The following ARID4B variants were observed in gnomAD, a reference collection of about 807,000 sequenced individuals.
The protein encoded by ARID4B is AT-rich interactive domain-containing protein 4B.
A neutral mutation model predicts 147.5 loss-of-function variants in ARID4B; 26 were observed. The ratio of observed to expected loss-of-function variants is 0.18; its 90% CI spans 0.13 to 0.24. ARID4B has a LOEUF of 0.24. Among genes scored for constraint, ARID4B ranks in the 10% least tolerant of loss-of-function variants. The pLI, the probability that ARID4B is intolerant of heterozygous loss-of-function variation, is 1.00. For synonymous variants in ARID4B, 512 were observed against 507.9 expected (o/e 1.01, Z -0.11); for missense variants, 1,179 against 1,511.5 (o/e 0.78, Z 3.65).
intron 2 of ARID4B, among the ~76,000 whole-genome samples, chr1:235,314,764 T>C (rs891639806): frequency 4.6e-5 from 7 of 152,088 alleles, no homozygotes; most frequent in African/African-American, 1.4e-4. Context: ...AACATTTTAC[T>C]ATCAGTAAAA....
chr1:235,323,615 T>C (rs1330922929), intron 2 of ARID4B, among the ~76,000 whole-genome samples: 3 of 151,912 alleles, frequency 2.0e-5, no homozygotes, highest in Non-Finnish European at 2.9e-5. Flanking sequence ...AGAAACCTTG[T>C]CTCTACTAAA....
intron 9 of ARID4B, among the ~76,000 whole-genome samples, chr1:235,232,860 G>A (rs1475050459): frequency 2.0e-5 from 3 of 151,606 alleles, no homozygotes; most frequent in African/African-American, 7.3e-5. Flanking sequence ...GTTTTGAGAT[G>A]GAATCTTGTT....
chr1:235,219,900 TTTAATG>T lies in ARID4B; in HGVS notation c.1470_1475del (p.Asn490_Ile491del), dbSNP rs1318014598. On this transcript the variant is annotated inframe_deletion, in exon 16 of 24. Transcript: ENST00000264183. ...CCAGATTTTCATTGTCTTCTGGTTTTTTAATGTTAACTTCTTTTTCCTGATCAGAAT... is the reference window on the plus strand; with the variant it reads ...CCAGATTTTCATTGTCTTCTGGTTTTTTAACTTCTTTTTCCTGATCAGAAT... The T allele has an allele frequency of 6.3e-7, 1 of 1,599,162 alleles. No homozygotes were observed. Among genetic ancestry groups the T allele is most frequent in the South Asian group, 1.1e-5 (1 of 90,130 alleles).
At chr1:235,306,349 A>T (rs1407436211) in intron 2 of ARID4B, among the ~76,000 whole-genome samples, 1 of 152,012 alleles carries the variant, frequency 6.6e-6, no homozygotes, top group African/African-American at 2.4e-5. Context: ...TAAAAATACA[A>T]AAAATTAGCC....
At chr1:235,180,110 G>GA (rs1664201377) in intron 20 of ARID4B, 2 of 128,158 alleles carry the variant, frequency 1.6e-5, no homozygotes. Flanking sequence ...AATAAAACCT[G>GA]TTTTTTTCTT....
At chr1:235,321,626 G>A (rs370330023) in intron 2 of ARID4B, among the ~76,000 whole-genome samples, 7 of 151,448 alleles carry the variant, frequency 4.6e-5, no homozygotes, top group African/African-American at 1.2e-4. Context: ...CTGCCTCAGC[G>A]TCCTACAGGC....
chr1:235,273,299 C>G (rs1055118107), intron 2 of ARID4B, among the ~76,000 whole-genome samples: 4 of 152,170 alleles, frequency 2.6e-5, no homozygotes, highest in African/African-American at 9.7e-5. Context: ...CAGCCTTGGC[C>G]TCCCAAAGTG....
chr1:235,193,175 T>C (rs961808985), intron 19 of ARID4B, among the ~76,000 whole-genome samples: 1 of 151,716 alleles, frequency 6.6e-6, no homozygotes. Flanking sequence ...GACAGGCCAA[T>C]TGCTTGAGCC....
rs74148670 is a variant in ARID4B, at chr1:235,229,119, T to C, written c.897+112A>G. On this transcript the variant is annotated intron_variant, in intron 11 of 23. Transcript: ENST00000264183. The stretch of plus-strand genomic sequence containing the variant: ...TCTCAAATACAAGATTATGAAATAT[T>C]TCTCATACTAAAAATACTTATATGA... 5.7e-6 allele frequency: 7 copies of C among 1,230,104 alleles called. No individual in the cohort carries two copies. In the African/African-American group the frequency reaches 1.1e-4, roughly 19 times the overall value. 76.2% of individuals were successfully genotyped at this position (1,230,104 alleles called of 1,614,324 possible).
chr1:235,231,956 A>G (rs1341244184), intron 9 of ARID4B, among the ~76,000 whole-genome samples: 1 of 152,150 alleles, frequency 6.6e-6, no homozygotes, highest in Non-Finnish European at 1.5e-5. Context: ...ACAAACTAAA[A>G]AAGTAAGCAA....
In ARID4B at chr1:235,181,493, G is replaced by A. The variant is rs997326254; in HGVS notation, c.3334+92C>T. 84 of 1,429,570 alleles carry A rather than the reference G, an allele frequency of 5.9e-5. No homozygotes were observed. In the East Asian group the frequency reaches 6.0e-4, roughly 10 times the overall value. The allele number at this position is 1,429,570 out of a possible 1,614,324, so 88.6% of individuals were successfully genotyped here. ...GTTCACACAAATATGACACTTAATC[G>A]CCTCAGGTTATAACAAGAGATACTG... On this transcript the variant is annotated intron_variant, in intron 20 of 23. Coordinates refer to ENST00000264183, the MANE Select transcript of ARID4B (RefSeq NM_016374.6).
At chr1:235,178,023 A>T in intron 20 of ARID4B, 110 bp from the exon 21 acceptor site, 1 of 547,644 alleles carries the variant, frequency 1.8e-6, no homozygotes, top group Non-Finnish European at 3.1e-6. Context: ...CATGTTCTTT[A>T]TGACATTTAT....
chr1:235,322,744 C>T (rs894137016), intron 2 of ARID4B, among the ~76,000 whole-genome samples: 2 of 152,030 alleles, frequency 1.3e-5, no homozygotes, highest in Admixed American at 1.3e-4. Flanking sequence ...TCTATATTAC[C>T]TGATATATGA....
chr1:235,184,245 GT>G, intron 19 of ARID4B, among the ~76,000 whole-genome samples: 1 of 152,090 alleles, frequency 6.6e-6, no homozygotes, highest in African/African-American at 2.4e-5. Flanking sequence ...TCATTTTATT[GT>G]TATTTTAAGA....
At chr1:235,205,950 G>A (rs1666281132) in intron 17 of ARID4B, among the ~76,000 whole-genome samples, 1 of 152,164 alleles carries the variant, frequency 6.6e-6, no homozygotes. Context: ...AAGTTTGACA[G>A]TTCCTTAGAA....
chr1:235,316,557 C>G (rs1418112601), intron 2 of ARID4B, among the ~76,000 whole-genome samples: 1 of 150,820 alleles, frequency 6.6e-6, no homozygotes, highest in Non-Finnish European at 1.5e-5. Flanking sequence ...TGGCTGATGC[C>G]TATAATTCCA....
chr1:235,321,064 C>T (rs1056141789), intron 2 of ARID4B, among the ~76,000 whole-genome samples: 1 of 152,146 alleles, frequency 6.6e-6, no homozygotes. Context: ...ACTGCTGCAT[C>T]CTCAAAACCC....
chr1:235,321,842 C>T (rs1674860025), intron 2 of ARID4B, among the ~76,000 whole-genome samples: 1 of 151,850 alleles, frequency 6.6e-6, no homozygotes, highest in South Asian at 2.1e-4. Context: ...CTCTCTGCTC[C>T]ACTTCCAATG....
intron 14 of ARID4B, among the ~76,000 whole-genome samples, chr1:235,221,341 G>A (rs563698740): frequency 2.0e-5 from 3 of 152,200 alleles, no homozygotes; most frequent in African/African-American, 4.8e-5. Context: ...TAACCTCTAT[G>A]AAGTACTTGA....
Sources: gnomAD v4.1 joint callset for allele counts (sites outside exome capture counted in the v4.1 genomes callset) on GRCh38, gnomAD v4.1.1 for gene constraint, MANE v1.5 for transcripts, NCBI Gene and HGNC (gene_info 2026-07-23, HGNC 2026-07-21) for gene names.